The following ZZEF1 variants were observed in gnomAD, a reference collection of about 807,000 sequenced individuals.
The protein encoded by ZZEF1 is zinc finger ZZ-type and EF-hand domain-containing protein 1.
A neutral mutation model predicts 342.8 loss-of-function variants in ZZEF1; 157 were observed. The observed-to-expected ratio is 0.46, with a 90% CI of 0.40 to 0.52. The LOEUF is 0.52. Ranked by LOEUF, ZZEF1 falls within the 20% of genes least tolerant of loss-of-function variation. The pLI, the probability that ZZEF1 is intolerant of heterozygous loss-of-function variation, is 0.00. For missense variants in ZZEF1, 3,480 were observed against 3,725.6 expected (o/e 0.93, Z 1.72); for synonymous variants, 1,505 against 1,429.1 (o/e 1.05, Z -1.20).
chr17:4,081,385 A>T lies in ZZEF1; in HGVS notation c.2820T>A (p.Ala940=). 6.2e-7 allele frequency: 1 copy of T among 1,613,308 alleles called. No homozygotes were observed. Among genetic ancestry groups the T allele is most frequent in the Non-Finnish European group, 8.5e-7 (1 of 1,179,884 alleles). The stretch of plus-strand genomic sequence containing the variant: ...GGCAGCCACTGGATACCTCTCGAGC[A>T]GCAACAGAGACGAGAGTGTCCATGA... The part of the protein sequence containing the change: ...LAVMDTLVSV[A]ARECELLMLS... Residue 940 remains alanine (A), a synonymous_variant, in exon 18 of 55, where the codon GCT becomes GCA. Transcript: ENST00000381638.
chr17:4,008,595 C>T lies in ZZEF1; in HGVS notation c.8805+288G>A, dbSNP rs2055863389. The T allele has an allele frequency of 9.6e-6, 11 of 1,145,380 alleles. No individual in the cohort carries two copies. Among genetic ancestry groups the T allele is most frequent in the Middle Eastern group, 3.6e-4 (1 of 2,740 alleles). 71.0% of individuals were successfully genotyped at this position (1,145,380 alleles called of 1,614,324 possible). On this transcript the variant is annotated intron_variant, in intron 54 of 54. Transcript: ENST00000381638. The surrounding 1 kb of genome is among the most constrained non-coding windows in gnomAD (Gnocchi z 4.2). ...TAAAAATATGTGAAATCTAACTCCA[C>T]GGAAACTTCAAGAATCAGCCAAACT...
chr17:4,124,609 A>AT (rs34282931), intron 1 of ZZEF1, among the ~76,000 whole-genome samples: 210 of 126,776 alleles, frequency 1.7e-3, no homozygotes, highest in African/African-American at 5.6e-3. Flanking sequence ...CGCCAAGCTG[A>AT]TTTTTTTTTT....
intron 1 of ZZEF1, among the ~76,000 whole-genome samples, chr17:4,132,571 G>T (rs890463631): frequency 6.6e-6 from 1 of 151,792 alleles, no homozygotes; most frequent in South Asian, 2.1e-4. Flanking sequence ...GGTGGCAGGC[G>T]CCTGTAATCC....
At chr17:4,082,973 A>C (rs936337811) in intron 16 of ZZEF1, among the ~76,000 whole-genome samples, 4 of 152,074 alleles carry the variant, frequency 2.6e-5, no homozygotes, top group Admixed American at 2.0e-4. Flanking sequence ...ACGGGGTTTC[A>C]CCATGTTGGC....
chr17:4,009,953 C>G (rs1021204677), intron 52 of ZZEF1, among the ~76,000 whole-genome samples, 196 bp from the exon 53 acceptor site: 1 of 152,098 alleles, frequency 6.6e-6, no homozygotes, highest in Non-Finnish European at 1.5e-5. Flanking sequence ...AGGGGCAGAA[C>G]CTAAACTTTA....
At chr17:4,009,567 G>C (rs919382245) in intron 53 of ZZEF1, 37 bp downstream of exon 53, 1 of 1,610,656 alleles carries the variant, frequency 6.2e-7, no homozygotes, top group Non-Finnish European at 8.5e-7. Flanking sequence ...AACGCACATG[G>C]AGGCACCGGG....
chr17:4,008,496 G>A lies in ZZEF1; in HGVS notation c.8805+387C>T. On this transcript the variant is annotated intron_variant, in intron 54 of 54. Coordinates refer to ENST00000381638, the MANE Select transcript of ZZEF1 (RefSeq NM_015113.4). The surrounding 1 kb of genome is among the most constrained non-coding windows in gnomAD (Gnocchi z 4.2). ...AAGCTTTCTGAGCTCCTCAGTCAGT[G>A]AAAAGTGTGAAGCGTCCTGAGACCA... 2.0e-6 allele frequency: 2 copies of A among 1,010,620 alleles called. No homozygotes were observed. Among genetic ancestry groups the A allele is most frequent in the Non-Finnish European group, 2.4e-6 (2 of 845,884 alleles). The allele number at this position is 1,010,620 out of a possible 1,614,324, so 62.6% of individuals were successfully genotyped here.
rs753145234 is a variant in ZZEF1, at chr17:4,086,627, T to C, written c.2371A>G (p.Thr791Ala). ...CTCTGGAGTAGCTGCAGAAGCAGGGTTTGGGCAGAGACGCATTCTTCCCTC... is the reference window on the plus strand; with the variant it reads ...CTCTGGAGTAGCTGCAGAAGCAGGGCTTGGGCAGAGACGCATTCTTCCCTC... ...NPREECVSAQ[T>A]LLLQLLQSCF... Residue 791 changes from threonine (T) to alanine (A), a missense_variant, in exon 15 of 55, where the codon ACC (threonine) becomes GCC (alanine). This residue lies in a region of ZZEF1 where 1,528 missense variants were observed against 1,624.1 expected (regional missense o/e 0.94). Coordinates refer to ENST00000381638, the MANE Select transcript of ZZEF1 (RefSeq NM_015113.4). The C allele has an allele frequency of 3.1e-6, 5 of 1,613,900 alleles. No homozygotes were observed. Among genetic ancestry groups the C allele is most frequent in the Non-Finnish European group, 4.2e-6 (5 of 1,180,000 alleles).
At chr17:4,101,673 C>A (rs2058129156) in intron 9 of ZZEF1, among the ~76,000 whole-genome samples, 1 of 152,176 alleles carries the variant, frequency 6.6e-6, no homozygotes. Context: ...GTCACCCAGG[C>A]TGGAAGGCAG....
intron 42 of ZZEF1, among the ~76,000 whole-genome samples, chr17:4,026,995 G>A (rs987280482): frequency 6.6e-5 from 10 of 151,970 alleles, no homozygotes; most frequent in East Asian, 1.9e-4. Flanking sequence ...AGTTTTTCAC[G>A]TCCCCCCACA....
rs1245581736 is a variant in ZZEF1, at chr17:4,044,502, C to G, written c.6016-128G>C. The stretch of plus-strand genomic sequence containing the variant: ...AACTTTTGAATGCCATTAGAAAATG[C>G]CACTCATTTCTTTTTTCTTTTTTGT... On this transcript the variant is annotated intron_variant, in intron 37 of 54. Transcript: ENST00000381638. 6 of 770,444 alleles carry G rather than the reference C, an allele frequency of 7.8e-6. No homozygotes were observed. The South Asian group carries it at 1.2e-4, about 15-fold the overall frequency. The allele number at this position is 770,444 out of a possible 1,614,324, so 47.7% of individuals were successfully genotyped here. A position where few individuals can be genotyped will look rare whatever the true frequency, so the allele number is the denominator to read the frequency against.
intron 27 of ZZEF1, 36 bp downstream of exon 27, chr17:4,067,127 A>C: frequency 6.4e-7 from 1 of 1,574,560 alleles, no homozygotes; most frequent in African/African-American, 1.3e-5. Flanking sequence ...TAGAAAACCT[A>C]AAATATAGCA....
At chr17:4,086,290 TCCCTTTCTGGGGGA>T (rs1567828243) in intron 15 of ZZEF1, among the ~76,000 whole-genome samples, 182 bp downstream of exon 15, 6 of 22,606 alleles carry the variant, frequency 2.7e-4, no homozygotes, top group South Asian at 1.1e-3. Context: ...ACAGCGGCAA[TCCCTTTCTGGGGGA>T]TTCCCACAGC....
At position 4,078,052 on chromosome 17, in the gene ZZEF1, A is replaced by T. The variant is rs1236150012; in HGVS notation, c.2830-10T>A. The T allele has an allele frequency of 6.2e-7, 1 of 1,609,708 alleles. No individual in the cohort carries two copies. Among genetic ancestry groups the T allele is most frequent in the Non-Finnish European group, 8.5e-7 (1 of 1,177,304 alleles). On this transcript the variant is annotated splice_polypyrimidine_tract_variant and intron_variant, in intron 18 of 54. Coordinates refer to ENST00000381638, the MANE Select transcript of ZZEF1 (RefSeq NM_015113.4). ...GCATTAACAGCTCGCACTACAAGGG[A>T]GGAGACAAACAGAAAGTGTTCGTGA...
At chr17:4,102,933 T>C (rs964425038) in intron 8 of ZZEF1, among the ~76,000 whole-genome samples, 1 of 152,072 alleles carries the variant, frequency 6.6e-6, no homozygotes, top group African/African-American at 2.4e-5. Context: ...ACTTTTGCTA[T>C]GATGATCTGA....
At chr17:4,040,713 C>A (rs1416723636) in intron 39 of ZZEF1, among the ~76,000 whole-genome samples, 1 of 152,066 alleles carries the variant, frequency 6.6e-6, no homozygotes, top group African/African-American at 2.4e-5. Flanking sequence ...TTCATTGGAG[C>A]AGGGCTGGGA....
chr17:4,012,150 A>G (rs1036863140), intron 52 of ZZEF1, among the ~76,000 whole-genome samples: 1 of 152,174 alleles, frequency 6.6e-6, no homozygotes, highest in African/African-American at 2.4e-5. Flanking sequence ...CAGCCAGGAG[A>G]CCATGGAGAT....
chr17:4,139,373 GCA>G (rs2058805468), intron 1 of ZZEF1, among the ~76,000 whole-genome samples: 1 of 152,186 alleles, frequency 6.6e-6, no homozygotes, highest in Non-Finnish European at 1.5e-5. Flanking sequence ...TAAACCATGC[GCA>G]CCCGTGGCTA....
At position 4,017,491 on chromosome 17, in the gene ZZEF1, G is replaced by T; in HGVS notation, c.7881C>A (p.Leu2627=). 4 of 1,614,258 alleles carry T rather than the reference G, an allele frequency of 2.5e-6. No individual in the cohort carries two copies. The highest frequency in any genetic ancestry group is 3.4e-6 in the Non-Finnish European group (4 of 1,180,050). ...LYARHVLASL[L]AEWPSHVPVS... Reference sequence around the variant, plus strand: ...CTGGCACGTGGCTAGGCCACTCGGCGAGCAGGGATGCAAGCACGTGGCGGG... The same window carrying T: ...CTGGCACGTGGCTAGGCCACTCGGCTAGCAGGGATGCAAGCACGTGGCGGG... Residue 2627 remains leucine (L), a synonymous_variant, in exon 48 of 55, where the codon CTC becomes CTA. Transcript: ENST00000381638. This position sits in a 1 kb window ranked among gnomAD's most constrained non-coding sequence, Gnocchi z 5.1.
Sources: allele counts gnomAD v4.1 joint callset (sites outside exome capture counted in the v4.1 genomes callset), GRCh38; gene constraint gnomAD v4.1.1; regional missense constraint gnomAD v4.1.1; non-coding constraint Gnocchi (gnomAD v3.1); transcripts MANE v1.5; gene names NCBI Gene and HGNC (gene_info 2026-07-23, HGNC 2026-07-21).